The following CLOCK variants were observed in gnomAD, a reference collection of about 807,000 sequenced individuals.
CLOCK encodes the protein circadian locomoter output cycles protein kaput.
CLOCK carries 43 observed loss-of-function variants against 118.4 expected under a neutral mutation model. The ratio of observed to expected loss-of-function variants is 0.36; its 90% CI spans 0.28 to 0.47. The LOEUF is 0.47. CLOCK is among the 20% of genes least tolerant of loss of function. The pLI, the probability that CLOCK is intolerant of heterozygous loss-of-function variation, is 1.00. For missense variants in CLOCK, 846 were observed against 999.9 expected, an observed-to-expected ratio of 0.85 and a Z score of 2.08; for synonymous variants, 326 against 339.2, an observed-to-expected ratio of 0.96 and a Z score of 0.43.
chr4:55,544,971 C>G (rs1317307080), intron 1 of CLOCK, among the ~76,000 whole-genome samples: 2 of 151,698 alleles, frequency 1.3e-5, no homozygotes, highest in Non-Finnish European at 2.9e-5. Flanking sequence ...CATGTTAGTA[C>G]GTAGAAAGCT....
At chr4:55,516,266 C>G (rs76098294) in intron 1 of CLOCK, among the ~76,000 whole-genome samples, 3 of 152,104 alleles carry the variant, frequency 2.0e-5, no homozygotes, top group Non-Finnish European at 4.4e-5. Context: ...GTTTTCTGCC[C>G]GCTACATCTG....
intron 12 of CLOCK, 100 bp downstream of exon 12, chr4:55,456,118 C>T (rs555961162): frequency 5.3e-6 from 7 of 1,314,440 alleles, no homozygotes; most frequent in Middle Eastern, 2.3e-4. Context: ...GAACAGGTTT[C>T]AAAGTCCTAA....
rs57022769 is a variant in CLOCK, at chr4:55,539,572, C to CAAAAA, written c.-290+7205_-290+7209dup. Among the ~76,000 whole-genome samples the CAAAAA allele has an allele frequency of 7.5e-4, 39 of 52,062 alleles. 2 individuals are homozygous for CAAAAA. The highest frequency in any genetic ancestry group is 8.6e-4 in the Non-Finnish European group (27 of 31,350). 34.2% of individuals were successfully genotyped at this position (52,062 alleles called of 152,430 possible). ...TGGGTGCCAGAGTGAGACCTTGTCT[C>CAAAAA]AAAAAAAAAAAAAAAAAAAAAAAAA... On this transcript the variant is annotated intron_variant, in intron 1 of 22. Coordinates refer to ENST00000513440, the MANE Select transcript of CLOCK (RefSeq NM_004898.4).
At chr4:55,532,553 A>G (rs1466767378) in intron 1 of CLOCK, among the ~76,000 whole-genome samples, 1 of 152,110 alleles carries the variant, frequency 6.6e-6, no homozygotes, top group Middle Eastern at 3.2e-3. Context: ...AAAAAAAAAA[A>G]TCCCAATTTA....
At chr4:55,475,053 A>AG (rs2109874204) in intron 7 of CLOCK, among the ~76,000 whole-genome samples, 1 of 152,318 alleles carries the variant, frequency 6.6e-6, no homozygotes, top group Non-Finnish European at 1.5e-5. Context: ...GATCTGGGCA[A>AG]AGTCAACTGA....
intron 9 of CLOCK, among the ~76,000 whole-genome samples, chr4:55,459,598 T>G (rs1725176663): frequency 6.6e-6 from 1 of 152,184 alleles, no homozygotes; most frequent in African/African-American, 2.4e-5. Context: ...GTCTTTCCTA[T>G]TTTCTCTAGG....
At chr4:55,540,068 C>T (rs1301830768) in intron 1 of CLOCK, among the ~76,000 whole-genome samples, 1 of 148,174 alleles carries the variant, frequency 6.7e-6, no homozygotes, top group African/African-American at 2.5e-5. Context: ...AGTGCAATGG[C>T]GTGATCTCTG....
In CLOCK at chr4:55,533,459, A is replaced by T. The variant is rs544666537; in HGVS notation, c.-290+13323T>A. Among the ~76,000 whole-genome samples, 24 of 152,370 alleles carry T rather than the reference A, an allele frequency of 1.6e-4. No individual in the cohort carries two copies. The South Asian group carries it at 1.9e-3, about 12-fold the overall frequency. The stretch of plus-strand genomic sequence containing the variant: ...AAATATGATATTACTAATTTATTTT[A>T]TGATGACCTAAAAGTTTTGATTTCC... On this transcript the variant is annotated intron_variant, in intron 1 of 22. Coordinates refer to ENST00000513440, the MANE Select transcript of CLOCK (RefSeq NM_004898.4).
chr4:55,532,194 A>T (rs1450976984), intron 1 of CLOCK, among the ~76,000 whole-genome samples: 1 of 152,208 alleles, frequency 6.6e-6, no homozygotes, highest in East Asian at 1.9e-4. Context: ...ACCATATATG[A>T]ATATCCCACA....
chr4:55,507,069 T>G (rs1728853597), intron 2 of CLOCK, among the ~76,000 whole-genome samples: 1 of 152,080 alleles, frequency 6.6e-6, no homozygotes, highest in Non-Finnish European at 1.5e-5. Context: ...ATCACAGCAC[T>G]TTGGGAGGCT....
At chr4:55,460,187 TAA>T (rs1390834910) in intron 9 of CLOCK, among the ~76,000 whole-genome samples, 4 of 152,190 alleles carry the variant, frequency 2.6e-5, no homozygotes, top group Non-Finnish European at 5.9e-5. Flanking sequence ...TTCCACTTCT[TAA>T]AAGTCATCCT....
At chr4:55,519,526 C>T (rs903163366) in intron 1 of CLOCK, among the ~76,000 whole-genome samples, 6 of 152,096 alleles carry the variant, frequency 3.9e-5, no homozygotes, top group Admixed American at 3.9e-4. Flanking sequence ...GTAGCTCATG[C>T]CTGTAATCCC....
Position 55,530,774 on chromosome 4 carries a change from C to CAAAAAAAAAA in CLOCK, c.-290+15998_-290+16007dup, listed in dbSNP as rs60810379. Among the ~76,000 whole-genome samples the CAAAAAAAAAA allele has an allele frequency of 8.8e-3, 291 of 32,990 alleles. 50 individuals carry two copies. The highest frequency in any genetic ancestry group is 0.038 in the African/African-American group (272 of 7,154). The allele number at this position is 32,990 out of a possible 152,430, so 21.6% of individuals were successfully genotyped here. ...TGGGAAAAAGAGCAAGACTCCATCG[C>CAAAAAAAAAA]AAAAAAAAAAAAAAAAAGAGTAAAT... On this transcript the variant is annotated intron_variant, in intron 1 of 22. Transcript: ENST00000513440.
intron 1 of CLOCK, among the ~76,000 whole-genome samples, chr4:55,531,341 A>C (rs532312533): frequency 8.7e-4 from 132 of 152,234 alleles, no homozygotes; most frequent in African/African-American, 3.1e-3. Context: ...TAAATCAAGA[A>C]ATAAAAGCAG....
At chr4:55,442,228 GA>G (rs1442255106) in intron 21 of CLOCK, 16 of 567,974 alleles carry the variant, frequency 2.8e-5, no homozygotes, top group East Asian at 5.9e-5. Flanking sequence ...TTTTGGACAA[GA>G]AAAAAAATTT....
chr4:55,530,547 G>A (rs748495517), intron 1 of CLOCK, among the ~76,000 whole-genome samples: 1 of 151,946 alleles, frequency 6.6e-6, no homozygotes, highest in Non-Finnish European at 1.5e-5. Flanking sequence ...GGCCGAGGAG[G>A]GTGGATCACT....
chr4:55,447,179 C>A (rs1359481835), intron 18 of CLOCK, among the ~76,000 whole-genome samples: 1 of 151,826 alleles, frequency 6.6e-6, no homozygotes, highest in African/African-American at 2.4e-5. Context: ...CCAGCCTGGG[C>A]AACATGGCAA....
At chr4:55,478,749 C>T in intron 6 of CLOCK, 66 bp downstream of exon 6, 1 of 1,484,214 alleles carries the variant, frequency 6.7e-7, no homozygotes, top group South Asian at 1.2e-5. Flanking sequence ...CAATCTTAAG[C>T]ATCTCTGCCA....
At chr4:55,494,827 A>G (rs1727950116) in intron 2 of CLOCK, among the ~76,000 whole-genome samples, 2 of 152,020 alleles carry the variant, frequency 1.3e-5, no homozygotes, top group African/African-American at 4.8e-5. Context: ...AAGGAAACAG[A>G]TTTTCTCCTG....
Sources: gnomAD v4.1 joint callset for allele counts (sites outside exome capture counted in the v4.1 genomes callset) on GRCh38, gnomAD v4.1.1 for gene constraint, MANE v1.5 for transcripts, NCBI Gene and HGNC (gene_info 2026-07-23, HGNC 2026-07-21) for gene names.